Variants in KIF13B observed in about 807,000 individuals in gnomAD.
KIF13B encodes the protein kinesin family member 13B, also known as kinesin-like protein KIF13B.
Under a neutral mutation model 222.0 loss-of-function variants are expected in KIF13B, and 127 were observed. The ratio of observed to expected loss-of-function variants is 0.57; its 90% CI spans 0.50 to 0.66. The LOEUF (loss-of-function observed/expected upper bound fraction) is 0.66. KIF13B is among the 30% of genes least tolerant of loss of function. KIF13B has a pLI of 0.00. For missense variants in KIF13B, 2,173 were observed against 2,379.0 expected (o/e 0.91, Z 1.80); for synonymous variants, 976 against 919.0 (o/e 1.06, Z -1.12).
chr8:29,161,700 C>CCG (rs1554609877), intron 12 of KIF13B, among the ~76,000 whole-genome samples: 7 of 10,572 alleles, frequency 6.6e-4, no homozygotes, highest in Admixed American at 1.1e-3. Flanking sequence ...CATCTCAAAA[C>CCG]CCCCCCCCAA....
intron 2 of KIF13B, among the ~76,000 whole-genome samples, chr8:29,224,890 A>C (rs1301882362): frequency 6.6e-6 from 1 of 152,242 alleles, no homozygotes; most frequent in Non-Finnish European, 1.5e-5. Flanking sequence ...ACAAATGAAT[A>C]CAAACAGTGA....
rs1455836285 is a variant in KIF13B at position 29,071,877 on chromosome 8, G to A, written c.4961C>T (p.Ser1654Leu). 3.9e-6 allele frequency: 6 copies of A among 1,534,002 alleles called. No homozygotes were observed. The highest frequency in any genetic ancestry group is 2.0e-5 in the Admixed American group (1 of 50,440). Reference sequence around the variant, plus strand: ...CATGCGCGAGAAGGAGCGCAACTCCGAGGCCCGCACCCTCCGGACGCGGAA... The same window carrying A: ...CATGCGCGAGAAGGAGCGCAACTCCAAGGCCCGCACCCTCCGGACGCGGAA... ...SPFRVRRVRA[S>L]ELRSFSRMLA... The change falls in exon 39 of 40, where the codon TCG (serine) becomes TTG (leucine). Residue 1654 changes from serine to leucine, a missense_variant. Transcript: ENST00000524189. The surrounding 1 kb of genome is among the most constrained non-coding windows in gnomAD (Gnocchi z 4.9).
At chr8:29,169,320 T>TA (rs1304937887) in intron 10 of KIF13B, among the ~76,000 whole-genome samples, 1 of 152,164 alleles carries the variant, frequency 6.6e-6, no homozygotes, top group East Asian at 1.9e-4. Context: ...CTAGAACTGG[T>TA]AAGTTGAACA....
intron 7 of KIF13B, among the ~76,000 whole-genome samples, chr8:29,181,475 A>G (rs1410108434): frequency 6.6e-6 from 1 of 152,240 alleles, no homozygotes; most frequent in African/African-American, 2.4e-5. Context: ...GTTAGGTGCA[A>G]CTGAACACAA....
In KIF13B at chr8:29,071,983, C is replaced by T. The variant is rs1173922237; in HGVS notation, c.4855G>A (p.Glu1619Lys). Residue 1619 changes from glutamate to lysine, a missense_variant, in exon 39 of 40, where the codon GAG becomes AAG. By Grantham distance (56) the Glu-to-Lys change is moderately conservative. Around this residue, in one of 2 missense-constraint regions of KIF13B, gnomAD observed 693 missense variants for 656.2 expected, o/e 1.06. Coordinates refer to ENST00000524189, the MANE Select transcript of KIF13B (RefSeq NM_015254.4). The surrounding 1 kb of genome is among the most constrained non-coding windows in gnomAD (Gnocchi z 4.9). The part of the protein sequence containing the change: ...HPPPPTAVPA[E>K]EPPGPQQLVS... ...AGCTGCTGGGGGCCAGGGGGCTCCT[C>T]GGCGGGGACGGCCGTGGGCGGTGGG... The T allele has an allele frequency of 9.2e-6, 12 of 1,307,070 alleles. No homozygotes were observed. The highest frequency in any genetic ancestry group is 1.6e-5 in the African/African-American group (1 of 63,622). 81.0% of individuals were successfully genotyped at this position (1,307,070 alleles called of 1,614,324 possible).
At chr8:29,172,433 A>G (rs960288702) in intron 10 of KIF13B, among the ~76,000 whole-genome samples, 4 of 152,172 alleles carry the variant, frequency 2.6e-5, no homozygotes, top group Non-Finnish European at 1.5e-5. Flanking sequence ...CAGCAAACAC[A>G]TGAGTTATTT....
rs190442642 is a variant in KIF13B, at chr8:29,076,520, G to A, written c.4459-1177C>T. On this transcript the variant is annotated intron_variant, in intron 37 of 39. Coordinates refer to ENST00000524189, the MANE Select transcript of KIF13B (RefSeq NM_015254.4). ...GGCCTTCTAGACAGAGCCTGCAGGCGCGAGCCACACCGCCCAGGCCTTCCT... is the reference window on the plus strand; with the variant it reads ...GGCCTTCTAGACAGAGCCTGCAGGCACGAGCCACACCGCCCAGGCCTTCCT... Among the ~76,000 whole-genome samples, 103 of 152,326 alleles carry A rather than the reference G, an allele frequency of 6.8e-4. 1 individual carries two copies. The highest frequency in any genetic ancestry group is 2.0e-3 in the African/African-American group (85 of 41,564).
chr8:29,073,782 G>A (rs963424696), intron 38 of KIF13B, among the ~76,000 whole-genome samples: 4 of 151,982 alleles, frequency 2.6e-5, no homozygotes, highest in Admixed American at 6.6e-5. Context: ...CCGTTTCCAG[G>A]GGCCCTCTTT....
In KIF13B at chr8:29,072,097, C is replaced by T. The variant is rs1420025061; in HGVS notation, c.4741G>A (p.Ala1581Thr). 1.5e-6 allele frequency: 2 copies of T among 1,350,296 alleles called. No homozygotes were observed. The highest frequency in any genetic ancestry group is 1.9e-6 in the Non-Finnish European group (2 of 1,048,548). The allele number at this position is 1,350,296 out of a possible 1,614,324, so 83.6% of individuals were successfully genotyped here. A position where few individuals can be genotyped will look rare whatever the true frequency, so the allele number is the denominator to read the frequency against. ...GCAGCGTCCAGGCCGGGGCCCAGGG[C>T]GTCCGACAGGGTCGCGGTGGAGACG... ...HSVSTATLSD[A>T]LGPGLDAAAP... The change falls in exon 39 of 40, where the codon GCC becomes ACC. Residue 1581 changes from alanine to threonine, a missense_variant. Transcript: ENST00000524189.
chr8:29,102,920 A>G (rs1445358892), intron 35 of KIF13B, among the ~76,000 whole-genome samples: 1 of 152,214 alleles, frequency 6.6e-6, no homozygotes, highest in Non-Finnish European at 1.5e-5. Flanking sequence ...TAAAAATAAA[A>G]TTTCTCCTAA....
rs1366855381 is a variant in KIF13B, at chr8:29,069,312, G to A, written c.*1192C>T. On this transcript the variant is annotated 3_prime_UTR_variant, in exon 40 of 40. Transcript: ENST00000524189. ...GCCCACACCATGCACGGTGGGCCTGGGGGCGTGGCTGCTGTGAGGGTCTGG... is the reference window on the plus strand; with the variant it reads ...GCCCACACCATGCACGGTGGGCCTGAGGGCGTGGCTGCTGTGAGGGTCTGG... 2.0e-5 allele frequency: 3 copies of A among 152,240 alleles called. No individual in the cohort carries two copies. The highest frequency in any genetic ancestry group is 4.4e-5 in the Non-Finnish European group (3 of 68,078). 9.4% of individuals were successfully genotyped at this position (152,240 alleles called of 1,614,324 possible). A position where few individuals can be genotyped will look rare whatever the true frequency, so the allele number is the denominator to read the frequency against.
chr8:29,205,351 G>A (rs1423177922), intron 2 of KIF13B, among the ~76,000 whole-genome samples: 1 of 152,158 alleles, frequency 6.6e-6, no homozygotes. Flanking sequence ...TTCCCACACA[G>A]CAGCAACAGG....
intron 14 of KIF13B, among the ~76,000 whole-genome samples, chr8:29,154,943 T>C (rs1397011512): frequency 6.6e-6 from 1 of 152,128 alleles, no homozygotes; most frequent in East Asian, 1.9e-4. Flanking sequence ...TGAAACAAAT[T>C]AGCATTTGAA....
chr8:29,189,113 T>C lies in KIF13B; in HGVS notation c.224-506A>G, dbSNP rs563559198. Among the ~76,000 whole-genome samples the C allele has an allele frequency of 4.7e-4, 72 of 152,220 alleles. No individual in the cohort carries two copies. In the South Asian group the frequency reaches 0.015, roughly 32 times the overall value. ...GGAAATTTCCCTCAGCTTTCAATCA[T>C]GGACATAAAGAACAGAGTCAAATTC... is the stretch of plus-strand genomic sequence containing the variant. On this transcript the variant is annotated intron_variant, in intron 4 of 39. Coordinates refer to ENST00000524189, the MANE Select transcript of KIF13B (RefSeq NM_015254.4).
Position 29,155,855 on chromosome 8 carries a change from T to C in KIF13B, c.1406A>G (p.Glu469Gly), listed in dbSNP as rs1474616069. The C allele has an allele frequency of 3.2e-5, 51 of 1,569,678 alleles. No homozygotes were observed. The highest frequency in any genetic ancestry group is 4.4e-5 in the Non-Finnish European group (51 of 1,155,108). ...ATTTGCTGACCCTATCAATGTATGTTCCTAAGAAAAAACCAAATTCACTGA... is the reference window on the plus strand; with the variant it reads ...ATTTGCTGACCCTATCAATGTATGTCCCTAAGAAAAAACCAAATTCACTGA... Reference protein sequence around the residue: ...LNELLVYYLKEHTLIGSANSQ... With the variant: ...LNELLVYYLKGHTLIGSANSQ... Residue 469 changes from glutamate to glycine, a missense_variant and splice_region_variant, in exon 14 of 40, where the codon GAA becomes GGA. Transcript: ENST00000524189.
chr8:29,239,650 GT>G (rs763661522), intron 2 of KIF13B, among the ~76,000 whole-genome samples: 3 of 151,756 alleles, frequency 2.0e-5, no homozygotes, highest in African/African-American at 7.3e-5. Flanking sequence ...ATATACCCTT[GT>G]TTTTTTTGTT....
At chr8:29,259,664 A>C (rs547861697) in intron 1 of KIF13B, among the ~76,000 whole-genome samples, 2 of 152,358 alleles carry the variant, frequency 1.3e-5, no homozygotes, top group South Asian at 4.1e-4. Flanking sequence ...GATCTAACTA[A>C]TCCCACCAAT....
intron 7 of KIF13B, 61 bp downstream of exon 7, chr8:29,181,856 GAA>G: frequency 9.1e-7 from 1 of 1,100,608 alleles, no homozygotes; most frequent in Non-Finnish European, 1.3e-6. Context: ...ATTAAGCCAA[GAA>G]AAAAAAGAGC....
intron 4 of KIF13B, chr8:29,189,825 G>A (rs1813096800): frequency 6.6e-6 from 1 of 152,206 alleles, no homozygotes; most frequent in Admixed American, 6.5e-5. Context: ...GTAAGAGCTG[G>A]GGCGTGTGAA....
Sources: gnomAD v4.1 joint callset for allele counts (sites outside exome capture counted in the v4.1 genomes callset) on GRCh38, gnomAD v4.1.1 for gene constraint, gnomAD v4.1.1 regional missense constraint, Gnocchi (gnomAD v3.1) non-coding constraint, MANE v1.5 for transcripts, NCBI Gene and HGNC (gene_info 2026-07-23, HGNC 2026-07-21) for gene names.